The following BRINP3 variants were observed in gnomAD, a reference collection of about 807,000 sequenced individuals.
BRINP3 encodes BMP/retinoic acid-inducible neural-specific protein 3.
In BRINP3, 19 loss-of-function variants were observed where a neutral mutation model predicts 71.0. The ratio of observed to expected loss-of-function variants is 0.27; its 90% confidence interval spans 0.19 to 0.39. The LOEUF is 0.39. Ranked by LOEUF, BRINP3 falls within the 10% of genes least tolerant of loss-of-function variation. BRINP3 has a pLI of 1.00. For synonymous variants in BRINP3, 380 were observed against 337.7 expected, an observed-to-expected ratio of 1.13 and a Z score of -1.37; for missense variants, 959 against 940.8, an observed-to-expected ratio of 1.02 and a Z score of -0.25.
intron 2 of BRINP3, among the ~76,000 whole-genome samples, chr1:190,356,359 G>A (rs528138407): frequency 6.6e-6 from 1 of 152,020 alleles, no homozygotes; most frequent in South Asian, 2.1e-4. Context: ...GACCCGATAA[G>A]AAGATCAGTG....
chr1:190,294,059 C>A (rs1327368626), intron 2 of BRINP3, among the ~76,000 whole-genome samples: 1 of 151,902 alleles, frequency 6.6e-6, no homozygotes, highest in Non-Finnish European at 1.5e-5. Flanking sequence ...CTTGATACTG[C>A]CATTTTGTTA....
intron 2 of BRINP3, among the ~76,000 whole-genome samples, chr1:190,312,632 G>A (rs1665615085): frequency 6.6e-6 from 1 of 151,654 alleles, no homozygotes; most frequent in Admixed American, 6.6e-5. Flanking sequence ...CAAAGTTACT[G>A]AAAGCTTTCA....
At chr1:190,288,914 G>T (rs982223479) in intron 2 of BRINP3, among the ~76,000 whole-genome samples, 2 of 151,788 alleles carry the variant, frequency 1.3e-5, no homozygotes, top group African/African-American at 4.8e-5. Context: ...ATAGATATCT[G>T]TTAATGAAAA....
chr1:190,126,842 T>C (rs1654125257), intron 7 of BRINP3, among the ~76,000 whole-genome samples: 1 of 151,892 alleles, frequency 6.6e-6, no homozygotes, highest in South Asian at 2.1e-4. Flanking sequence ...GAATGTACAT[T>C]ACATAGGAGA....
chr1:190,258,547 A>C (rs1190685736), intron 4 of BRINP3, among the ~76,000 whole-genome samples: 1 of 152,202 alleles, frequency 6.6e-6, no homozygotes, highest in Non-Finnish European at 1.5e-5. Context: ...ATGTAACTAA[A>C]AGTAAGGAAA....
chr1:190,160,535 T>A (rs539151831), intron 7 of BRINP3, 133 bp downstream of exon 7: 5 of 550,532 alleles, frequency 9.1e-6, no homozygotes, highest in South Asian at 2.9e-5. Context: ...GACAATATAT[T>A]GTTTTCAAAT....
At chr1:190,452,874 A>C (rs1675713867) in intron 2 of BRINP3, among the ~76,000 whole-genome samples, 1 of 152,114 alleles carries the variant, frequency 6.6e-6, no homozygotes, top group Admixed American at 6.5e-5. Context: ...CATAAACAAA[A>C]ACATGTCAAG....
chr1:190,186,464 T>C (rs1040662681), intron 6 of BRINP3, among the ~76,000 whole-genome samples: 14 of 152,140 alleles, frequency 9.2e-5, no homozygotes, highest in African/African-American at 3.1e-4. Flanking sequence ...ATAAAATATA[T>C]TGTGGATTTA....
intron 7 of BRINP3, among the ~76,000 whole-genome samples, chr1:190,133,475 A>T (rs1212021200): frequency 1.3e-5 from 2 of 152,100 alleles, no homozygotes; most frequent in African/African-American, 4.8e-5. Context: ...CATAGTATAG[A>T]GTGGGAGGTG....
intron 2 of BRINP3, among the ~76,000 whole-genome samples, chr1:190,442,682 G>T (rs1262610582): frequency 2.0e-5 from 3 of 151,860 alleles, no homozygotes; most frequent in Non-Finnish European, 4.4e-5. Flanking sequence ...GTGTGTGTGT[G>T]TATTTTCTTC....
intron 2 of BRINP3, among the ~76,000 whole-genome samples, chr1:190,299,571 T>C (rs1358878848): frequency 2.8e-5 from 4 of 141,986 alleles, no homozygotes; most frequent in Non-Finnish European, 6.1e-5. Flanking sequence ...CTCCCAATGC[T>C]ATCCCACCCC....
chr1:190,323,747 GC>G (rs2103058386), intron 2 of BRINP3, among the ~76,000 whole-genome samples: 1 of 151,902 alleles, frequency 6.6e-6, no homozygotes, highest in East Asian at 1.9e-4. Context: ...TGAGATAGGT[GC>G]ACAATTACTG....
chr1:190,213,939 C>G (rs187459602), intron 6 of BRINP3, among the ~76,000 whole-genome samples: 1 of 152,072 alleles, frequency 6.6e-6, no homozygotes, highest in East Asian at 1.9e-4. Context: ...ACGTGTGAGT[C>G]CCAGTGTTTG....
At chr1:190,136,743 A>G (rs1417610479) in intron 7 of BRINP3, among the ~76,000 whole-genome samples, 2 of 152,080 alleles carry the variant, frequency 1.3e-5, no homozygotes, top group African/African-American at 4.8e-5. Context: ...TTTTACTCAT[A>G]AATAAATATG....
At chr1:190,267,793 A>C (rs1157287179) in intron 3 of BRINP3, among the ~76,000 whole-genome samples, 1 of 152,132 alleles carries the variant, frequency 6.6e-6, no homozygotes, top group Non-Finnish European at 1.5e-5. Context: ...CCATATTGCA[A>C]ATAAGATTAG....
chr1:190,170,031 T>C lies in BRINP3; in HGVS notation c.962-9141A>G, dbSNP rs936358124. ...CAGAACAAACGAAGTCTGAAAAAAG[T>C]AAGGCTCCTGCCTTAATAAATATAA... On this transcript the variant is annotated intron_variant, in intron 6 of 7. Coordinates refer to ENST00000367462, the MANE Select transcript of BRINP3 (RefSeq NM_199051.3). Among the ~76,000 whole-genome samples, 3 of 152,284 alleles carry C rather than the reference T, an allele frequency of 2.0e-5. No individual in the cohort carries two copies. The East Asian group carries it at 5.8e-4, about 29-fold the overall frequency.
chr1:190,404,243 T>G (rs1672120416), intron 2 of BRINP3, among the ~76,000 whole-genome samples: 1 of 152,156 alleles, frequency 6.6e-6, no homozygotes, highest in Non-Finnish European at 1.5e-5. Flanking sequence ...ATACTATCAG[T>G]ACACCTTAGC....
chr1:190,474,017 C>T (rs527678413), intron 1 of BRINP3, among the ~76,000 whole-genome samples: 1 of 152,006 alleles, frequency 6.6e-6, no homozygotes, highest in African/African-American at 2.4e-5. Flanking sequence ...TAGTTCTTCA[C>T]CTGTCCTTTA....
intron 2 of BRINP3, among the ~76,000 whole-genome samples, chr1:190,353,515 ACT>A (rs771237657): frequency 9.9e-5 from 15 of 152,074 alleles, no homozygotes; most frequent in South Asian, 2.1e-4. Flanking sequence ...TTAAAATTAA[ACT>A]CTGTTTTTAA....
Sources: gnomAD v4.1 joint callset for allele counts (sites outside exome capture counted in the v4.1 genomes callset) on GRCh38, gnomAD v4.1.1 for gene constraint, MANE v1.5 for transcripts, NCBI Gene and HGNC (gene_info 2026-07-23, HGNC 2026-07-21) for gene names.